ST6GAL1: variants seen among roughly 807,000 people sequenced by gnomAD.
ST6GAL1 encodes the protein beta-galactoside alpha-2,6-sialyltransferase 1.
Under a neutral mutation model 38.0 loss-of-function variants are expected in ST6GAL1, and 20 were observed. The ratio of observed to expected loss-of-function variants is 0.53; its 90% CI spans 0.37 to 0.77. The LOEUF (loss-of-function observed/expected upper bound fraction) is 0.77. Among genes scored for constraint, ST6GAL1 ranks in the 30% least tolerant of loss-of-function variants. ST6GAL1 has a pLI of 0.00. For missense variants in ST6GAL1, 432 were observed against 496.4 expected, an observed-to-expected ratio of 0.87 and a Z score of 1.23; for synonymous variants, 196 against 188.2, an observed-to-expected ratio of 1.04 and a Z score of -0.34.
chr3:186,989,043 G>T (rs1363525054), intron 2 of ST6GAL1, among the ~76,000 whole-genome samples: 3 of 152,172 alleles, frequency 2.0e-5, no homozygotes, highest in Non-Finnish European at 4.4e-5. Flanking sequence ...TTCAGTATTT[G>T]CATCGTAGAG....
At chr3:187,001,234 G>A (rs1716606583) in intron 2 of ST6GAL1, among the ~76,000 whole-genome samples, 1 of 152,198 alleles carries the variant, frequency 6.6e-6, no homozygotes, top group Non-Finnish European at 1.5e-5. Flanking sequence ...GGAAAGGGAT[G>A]ACCTGCATGT....
At chr3:187,039,092 A>G (rs984326914) in intron 3 of ST6GAL1, among the ~76,000 whole-genome samples, 5 of 152,126 alleles carry the variant, frequency 3.3e-5, no homozygotes, top group Non-Finnish European at 5.9e-5. Context: ...TATTAACTAT[A>G]TAAGATTTAA....
At chr3:187,073,995 G>A in intron 6 of ST6GAL1, 164 bp from the exon 7 acceptor site, 1 of 578,726 alleles carries the variant, frequency 1.7e-6, no homozygotes, top group South Asian at 3.5e-5. Flanking sequence ...GAAACCTGCG[G>A]CTGGAAGAGA....
At chr3:186,966,123 C>T (rs1434169818) in intron 2 of ST6GAL1, among the ~76,000 whole-genome samples, 3 of 152,146 alleles carry the variant, frequency 2.0e-5, no homozygotes, top group Non-Finnish European at 4.4e-5. Flanking sequence ...TGGTCTTGAA[C>T]TCCTGACCTC....
chr3:187,072,387 G>A (rs78114364), intron 5 of ST6GAL1: 2,103 of 189,428 alleles, frequency 0.011, 43 homozygotes, highest in African/African-American at 0.052. Flanking sequence ...TGTGTTGGCT[G>A]TGTTGGACTT....
At chr3:186,967,468 A>C (rs1715181048) in intron 2 of ST6GAL1, among the ~76,000 whole-genome samples, 1 of 152,240 alleles carries the variant, frequency 6.6e-6, no homozygotes. Context: ...CCGGGATTAC[A>C]AGTGTGAGCG....
At chr3:186,981,458 A>G (rs897911800) in intron 2 of ST6GAL1, among the ~76,000 whole-genome samples, 1 of 152,204 alleles carries the variant, frequency 6.6e-6, no homozygotes, top group Non-Finnish European at 1.5e-5. Context: ...GGTAGAAGAC[A>G]GCAGATATTT....
intron 2 of ST6GAL1, among the ~76,000 whole-genome samples, chr3:186,978,764 CAG>C (rs1715598149): frequency 6.6e-6 from 1 of 152,136 alleles, no homozygotes; most frequent in Non-Finnish European, 1.5e-5. Context: ...CTGTCTGGAG[CAG>C]ATGTCCTGTC....
At chr3:186,979,881 C>A (rs189872382) in intron 2 of ST6GAL1, among the ~76,000 whole-genome samples, 3 of 152,156 alleles carry the variant, frequency 2.0e-5, no homozygotes, top group African/African-American at 4.8e-5. Context: ...AGGGATGCAG[C>A]TTTTATAGCA....
rs1718173208 is a variant in ST6GAL1 at position 187,042,868 on chromosome 3, C to T, written c.165C>T (p.Ala55=). 2 of 1,613,998 alleles carry T rather than the reference C, an allele frequency of 1.2e-6. No individual in the cohort carries two copies. The highest frequency in any genetic ancestry group is 1.3e-5 in the African/African-American group (1 of 74,906). The change falls in exon 4 of 8, where the codon GCC becomes GCT. Residue 55 remains alanine, a synonymous_variant. Coordinates refer to ENST00000169298, the MANE Select transcript of ST6GAL1 (RefSeq NM_173216.2). ...TGTTAAAGAGTCTGGGGAAATTGGC[C>T]ATGGGGTCTGATTCCCAGTCTGTAT... ...FQVLKSLGKL[A]MGSDSQSVSS...
At chr3:186,940,501 C>T (rs567368447) in intron 1 of ST6GAL1, among the ~76,000 whole-genome samples, 2 of 152,308 alleles carry the variant, frequency 1.3e-5, no homozygotes, top group South Asian at 4.1e-4. Context: ...TTGTTCAACC[C>T]GTGGCGTGGG....
intron 2 of ST6GAL1, among the ~76,000 whole-genome samples, chr3:186,997,874 G>A (rs185925238): frequency 6.6e-6 from 1 of 152,306 alleles, no homozygotes; most frequent in Admixed American, 6.5e-5. Flanking sequence ...CTCAGCCAGT[G>A]CTATCTAATG....
chr3:186,982,845 C>A (rs909248386), intron 2 of ST6GAL1, among the ~76,000 whole-genome samples: 1 of 150,762 alleles, frequency 6.6e-6, no homozygotes, highest in African/African-American at 2.4e-5. Flanking sequence ...CCATGCCCAG[C>A]TAATTTTTTT....
chr3:187,022,502 G>A (rs944395245), intron 2 of ST6GAL1, among the ~76,000 whole-genome samples: 1 of 152,148 alleles, frequency 6.6e-6, no homozygotes, highest in African/African-American at 2.4e-5. Flanking sequence ...AGTAAGATAA[G>A]GAGGTTGTGG....
intron 2 of ST6GAL1, among the ~76,000 whole-genome samples, chr3:187,010,281 T>C (rs911003649): frequency 6.6e-6 from 1 of 152,224 alleles, no homozygotes; most frequent in Non-Finnish European, 1.5e-5. Context: ...TTTCCATGAG[T>C]TACTTAAAAG....
At chr3:187,068,416 G>T (rs1035942926) in intron 5 of ST6GAL1, among the ~76,000 whole-genome samples, 11 of 151,492 alleles carry the variant, frequency 7.3e-5, no homozygotes, top group African/African-American at 2.7e-4. Flanking sequence ...CTTACTTACT[G>T]ACTGTGTAAT....
chr3:187,021,187 C>T (rs1014753502), intron 2 of ST6GAL1, among the ~76,000 whole-genome samples: 1 of 152,038 alleles, frequency 6.6e-6, no homozygotes, highest in South Asian at 2.1e-4. Context: ...TGGTCTCGAT[C>T]TCCTGACCTC....
At chr3:186,948,630 C>G (rs1383060073) in intron 1 of ST6GAL1, 2 of 152,070 alleles carry the variant, frequency 1.3e-5, no homozygotes, top group Non-Finnish European at 2.9e-5. Context: ...CTGAAGAGAT[C>G]CGTTTCTTCC....
chr3:187,049,867 G>C (rs1463627270), intron 4 of ST6GAL1, among the ~76,000 whole-genome samples: 1 of 152,194 alleles, frequency 6.6e-6, no homozygotes, highest in Non-Finnish European at 1.5e-5. Flanking sequence ...GACTGATTCT[G>C]ACAAAATGTG....
Sources: allele counts gnomAD v4.1 joint callset (sites outside exome capture counted in the v4.1 genomes callset), GRCh38; gene constraint gnomAD v4.1.1; transcripts MANE v1.5; gene names NCBI Gene and HGNC (gene_info 2026-07-23, HGNC 2026-07-21).